The following SNX13 variants were observed in gnomAD, a reference collection of about 807,000 sequenced individuals.
SNX13 encodes sorting nexin-13.
SNX13 carries 45 observed loss-of-function variants against 133.6 expected under a neutral mutation model. The observed-to-expected ratio is 0.34, with a 90% CI of 0.27 to 0.43. The LOEUF (loss-of-function observed/expected upper bound fraction) is 0.43, where lower values mean the gene tolerates loss of function less well. Ranked by LOEUF, SNX13 falls within the 20% of genes least tolerant of loss-of-function variation. The probability of loss-of-function intolerance (pLI) is 1.00; values close to 1 mark genes in which losing one functional copy is unlikely to be tolerated. For missense variants in SNX13, 1,032 were observed against 1,145.1 expected (o/e 0.90, Z 1.43); for synonymous variants, 414 against 373.9 (o/e 1.11, Z -1.24).
intron 5 of SNX13, among the ~76,000 whole-genome samples, chr7:17,886,510 G>C (rs1003045972): frequency 6.6e-6 from 1 of 152,014 alleles, no homozygotes; most frequent in African/African-American, 2.4e-5. Context: ...AGAGGTTGCA[G>C]TGAGCCGAGA....
At chr7:17,859,137 A>C (rs1040770041) in intron 9 of SNX13, among the ~76,000 whole-genome samples, 1 of 152,146 alleles carries the variant, frequency 6.6e-6, no homozygotes, top group African/African-American at 2.4e-5. Context: ...AAAAGACATC[A>C]CTGAACGAGA....
chr7:17,925,148 A>G (rs1205219858), intron 1 of SNX13, among the ~76,000 whole-genome samples: 1 of 152,184 alleles, frequency 6.6e-6, no homozygotes, highest in Non-Finnish European at 1.5e-5. Context: ...TGGGAGGCAG[A>G]GGTTTCAGTG....
At chr7:17,849,501 T>C (rs1053231080) in intron 11 of SNX13, among the ~76,000 whole-genome samples, 5 of 152,236 alleles carry the variant, frequency 3.3e-5, no homozygotes, top group Non-Finnish European at 7.3e-5. Context: ...TTTTAACTTT[T>C]AGCTTGTAAG....
At chr7:17,919,061 C>T (rs572171408) in intron 1 of SNX13, among the ~76,000 whole-genome samples, 7 of 152,172 alleles carry the variant, frequency 4.6e-5, no homozygotes, top group South Asian at 2.1e-4. Flanking sequence ...GACACAAAGA[C>T]GGGACCAAAA....
chr7:17,810,926 A>G (rs943084314), intron 20 of SNX13, among the ~76,000 whole-genome samples: 9 of 152,218 alleles, frequency 5.9e-5, no homozygotes, highest in Non-Finnish European at 1.2e-4. Context: ...CAATAGATGC[A>G]GAAAAGGCCT....
intron 5 of SNX13, among the ~76,000 whole-genome samples, chr7:17,878,767 T>G (rs896199428): frequency 6.6e-6 from 1 of 152,204 alleles, no homozygotes; most frequent in East Asian, 1.9e-4. Flanking sequence ...AAAGCCCTTG[T>G]GTATTTCCTC....
At chr7:17,930,965 T>TC (rs1801327002) in intron 1 of SNX13, among the ~76,000 whole-genome samples, 1 of 151,836 alleles carries the variant, frequency 6.6e-6, no homozygotes, top group Non-Finnish European at 1.5e-5. Flanking sequence ...CCGAAACCAT[T>TC]CCCCCCAACA....
chr7:17,825,853 A>G (rs1252353478), intron 17 of SNX13, among the ~76,000 whole-genome samples, 169 bp downstream of exon 17: 1 of 152,200 alleles, frequency 6.6e-6, no homozygotes, highest in African/African-American at 2.4e-5. Flanking sequence ...TCAAATACAT[A>G]AGCAAATAAA....
At chr7:17,905,893 A>T (rs1374145127) in intron 1 of SNX13, among the ~76,000 whole-genome samples, 1 of 152,290 alleles carries the variant, frequency 6.6e-6, no homozygotes, top group South Asian at 2.1e-4. Context: ...GCAGCCTCCA[A>T]TTCTGAGACT....
At chr7:17,868,975 C>T (rs1280009832) in intron 8 of SNX13, among the ~76,000 whole-genome samples, 3 of 152,112 alleles carry the variant, frequency 2.0e-5, no homozygotes, top group African/African-American at 7.2e-5. Flanking sequence ...ATTCTCTATG[C>T]TTCTCTGTGT....
At chr7:17,855,938 G>C (rs945677498) in intron 9 of SNX13, among the ~76,000 whole-genome samples, 1 of 152,154 alleles carries the variant, frequency 6.6e-6, no homozygotes, top group African/African-American at 2.4e-5. Flanking sequence ...TTCTAGAAAT[G>C]ACTCATTATT....
intron 2 of SNX13, among the ~76,000 whole-genome samples, chr7:17,895,815 A>C (rs1008161254): frequency 6.6e-6 from 1 of 152,198 alleles, no homozygotes; most frequent in Admixed American, 6.5e-5. Context: ...TATTTGGAGC[A>C]GTTGAGTAAA....
intron 23 of SNX13, 118 bp downstream of exon 23, chr7:17,798,891 G>T: frequency 7.9e-7 from 1 of 1,268,414 alleles, no homozygotes; most frequent in Non-Finnish European, 1.1e-6. Flanking sequence ...CTTTAATGAT[G>T]TCCTTAAAAG....
At chr7:17,913,754 C>CAAAAAAAAAA (rs1158895502) in intron 1 of SNX13, among the ~76,000 whole-genome samples, 1 of 87,274 alleles carries the variant, frequency 1.1e-5, no homozygotes, top group African/African-American at 4.0e-5. Context: ...AGCAAATTAA[C>CAAAAAAAAAA]AAAAACAAAA....
intron 1 of SNX13, among the ~76,000 whole-genome samples, chr7:17,908,094 T>C (rs759961191): frequency 5.3e-5 from 8 of 152,200 alleles, no homozygotes; most frequent in Admixed American, 1.3e-4. Context: ...ATGTTTCCTA[T>C]ATTCCTTTAC....
At chr7:17,888,428 C>A in intron 5 of SNX13, 1 of 228,466 alleles carries the variant, frequency 4.4e-6, no homozygotes, top group Non-Finnish European at 8.8e-6. Context: ...ATTGCAATAA[C>A]AGGAAAGAAG....
intron 25 of SNX13, chr7:17,794,795 A>C (rs1217836652): frequency 6.6e-6 from 1 of 151,786 alleles, no homozygotes; most frequent in East Asian, 1.9e-4. Context: ...CATGATGGTG[A>C]ATAAAGTTTC....
chr7:17,888,924 A>C (rs1314070745), intron 5 of SNX13: 1 of 280,850 alleles, frequency 3.6e-6, no homozygotes, highest in Non-Finnish European at 7.1e-6. Flanking sequence ...TCAAGTTTTC[A>C]GATTACTAGT....
chr7:17,936,993 A>G (rs1802124446), intron 1 of SNX13, among the ~76,000 whole-genome samples: 1 of 149,474 alleles, frequency 6.7e-6, no homozygotes, highest in South Asian at 2.1e-4. Context: ...GGGGAAAAAA[A>G]CTAACATTAA....
Sources: gnomAD v4.1 joint callset for allele counts (sites outside exome capture counted in the v4.1 genomes callset) on GRCh38, gnomAD v4.1.1 for gene constraint, MANE v1.5 for transcripts, NCBI Gene and HGNC (gene_info 2026-07-23, HGNC 2026-07-21) for gene names.